Variants in SPEG observed in about 807,000 individuals in gnomAD.
The protein encoded by SPEG is striated muscle preferentially expressed protein kinase.
SPEG carries 114 observed loss-of-function variants against 300.4 expected under a neutral mutation model. The ratio of observed to expected loss-of-function variants is 0.38; its 90% CI spans 0.33 to 0.44. SPEG has a LOEUF of 0.44. SPEG is among the 20% of genes least tolerant of loss of function. The pLI is 1.00. For synonymous variants in SPEG, 1,964 were observed against 2,018.9 expected (o/e 0.97, Z 0.73); for missense variants, 4,201 against 4,586.2 (o/e 0.92, Z 2.43).
chr2:219,488,393 G>T, intron 32 of SPEG, 83 bp downstream of exon 32: 1 of 1,498,774 alleles, frequency 6.7e-7, no homozygotes, highest in Non-Finnish European at 9.1e-7. Flanking sequence ...GGCCGGAGTG[G>T]GGACTGAGCA....
chr2:219,472,852 C>G (rs759313858), intron 15 of SPEG, 38 bp from the exon 16 acceptor site: 47 of 1,529,326 alleles, frequency 3.1e-5, no homozygotes, highest in Non-Finnish European at 3.8e-5. Context: ...GGTTACTGCT[C>G]CTGCAACAGC....
chr2:219,453,653 T>C (rs761928839), intron 6 of SPEG, among the ~76,000 whole-genome samples: 5 of 152,316 alleles, frequency 3.3e-5, no homozygotes, highest in South Asian at 2.1e-4. Context: ...AAAGCCTTCA[T>C]TGCATTAGTC....
chr2:219,492,225 C>T lies in SPEG; in HGVS notation c.9576C>T (p.Thr3192=). ...ACCCCAATACATCCCAGAGCGCCACCCTCTTCTTGCGAAAGGTTCTCTCTG... is the reference window on the plus strand; with the variant it reads ...ACCCCAATACATCCCAGAGCGCCACTCTCTTCTTGCGAAAGGTTCTCTCTG... ...QLYPNTSQSA[T]LFLRKVLSVH... Residue 3192 remains threonine (T), a synonymous_variant, in exon 40 of 41, where the codon ACC becomes ACT. Coordinates refer to ENST00000312358, the MANE Select transcript of SPEG (RefSeq NM_005876.5). 6.2e-7 allele frequency: 1 copy of T among 1,613,628 alleles called. No individual in the cohort carries two copies. Among genetic ancestry groups the T allele is most frequent in the South Asian group, 1.1e-5 (1 of 91,068 alleles).
chr2:219,451,672 C>G lies in SPEG; in HGVS notation c.2305C>G (p.Leu769Val). The change falls in exon 6 of 41, where the codon CTC becomes GTC. Residue 769 changes from leucine to valine, a missense_variant. Transcript: ENST00000312358. The surrounding 1 kb of genome is among the most constrained non-coding windows in gnomAD (Gnocchi z 6.4). ...AGCGCTGCGCAGCGAGGGCCGCCTC[C>G]TCCTCCGGGCTGAGGGTGAGCGGCA... is the stretch of plus-strand genomic sequence containing the variant. ...GSALRSEGRLLLRAEGERHTL... is the reference protein window; with the variant it reads ...GSALRSEGRLVLRAEGERHTL... 6.3e-7 allele frequency: 1 copy of G among 1,586,558 alleles called. No individual in the cohort carries two copies. Among genetic ancestry groups the G allele is most frequent in the Non-Finnish European group, 8.6e-7 (1 of 1,168,270 alleles).
At chr2:219,487,167 C>G (rs1559427871) in intron 31 of SPEG, among the ~76,000 whole-genome samples, 2 of 152,220 alleles carry the variant, frequency 1.3e-5, no homozygotes, top group South Asian at 4.2e-4. Flanking sequence ...AGGGACATTC[C>G]CAGGGATCAT....
rs1244760532 is a variant in SPEG, at chr2:219,488,319, ACT to A, written c.7858+12_7858+13del. On this transcript the variant is annotated intron_variant, in intron 32 of 40. Coordinates refer to ENST00000312358, the MANE Select transcript of SPEG (RefSeq NM_005876.5). Reference sequence around the variant, plus strand: ...CATCTCCTGGATGAAAGGTAAGGAGACTCTGTCTCCCACAGAGAGGGAGGCCA... The same window carrying A: ...CATCTCCTGGATGAAAGGTAAGGAGACTGTCTCCCACAGAGAGGGAGGCCA... 1 of 1,594,940 alleles carries A rather than the reference ACT, an allele frequency of 6.3e-7. No homozygotes were observed. The highest frequency in any genetic ancestry group is 1.7e-5 in the Admixed American group (1 of 58,020).
chr2:219,449,283 G>C lies in SPEG; in HGVS notation c.2113+12G>C. Reference sequence around the variant, plus strand: ...CTCCCCTGAGCTCGGTAAGGCCTCAGGGAGGGCTGACAAGGTGCCTGAACC... The same window carrying C: ...CTCCCCTGAGCTCGGTAAGGCCTCACGGAGGGCTGACAAGGTGCCTGAACC... On this transcript the variant is annotated intron_variant, in intron 4 of 40. Transcript: ENST00000312358. The C allele has an allele frequency of 7.3e-7, 1 of 1,370,852 alleles. No homozygotes were observed. Among genetic ancestry groups the C allele is most frequent in the Non-Finnish European group, 9.4e-7 (1 of 1,061,928 alleles). 84.9% of individuals were successfully genotyped at this position (1,370,852 alleles called of 1,614,324 possible).
Position 219,463,392 on chromosome 2 carries a change from ATTTTTTTTTTTTTTTTTTTT to A in SPEG, c.2706-1022_2706-1003del, listed in dbSNP as rs71040459. On this transcript the variant is annotated intron_variant, in intron 8 of 40. Transcript: ENST00000312358. ...AATTGATTGTCTGGTCCCCACTGTG[ATTTTTTTTTTTTTTTTTTTT>A]TTTTTTTTTTTTTTTTTTAGCTGGA... Among the ~76,000 whole-genome samples the A allele has an allele frequency of 5.0e-4, 12 of 23,946 alleles. No homozygotes were observed. In the South Asian group the frequency reaches 6.6e-3, roughly 13 times the overall value. The allele number at this position is 23,946 out of a possible 152,430, so 15.7% of individuals were successfully genotyped here. A position where few individuals can be genotyped will look rare whatever the true frequency, so the allele number is the denominator to read the frequency against.
intron 9 of SPEG, 141 bp from the exon 10 acceptor site, chr2:219,467,033 G>T: frequency 8.3e-7 from 1 of 1,197,956 alleles, no homozygotes; most frequent in African/African-American, 1.5e-5. Context: ...TGGCCAGGTG[G>T]GTGGGCTTTC....
rs1693135740 is a variant in SPEG, at chr2:219,484,083, C to T, written c.6620C>T (p.Ala2207Val). 2 of 1,613,556 alleles carry T rather than the reference C, an allele frequency of 1.2e-6. No individual in the cohort carries two copies. The highest frequency in any genetic ancestry group is 2.2e-5 in the South Asian group (2 of 91,072). The change falls in exon 30 of 41, where the codon GCA (alanine) becomes GTA (valine). Residue 2207 changes from alanine to valine, a missense_variant. By Grantham distance (64) the Ala-to-Val change is moderately conservative. Around this residue, in one of 4 missense-constraint regions of SPEG, gnomAD observed 1,578 missense variants for 1,506.0 expected, o/e 1.05. Transcript: ENST00000312358. ...CCTAGTGATGCTCCGCAGCCCCCCG[C>T]ACCCCAGCCTGCCCAAGACAAGGCT... is the stretch of plus-strand genomic sequence containing the variant. The part of the protein sequence containing the change: ...TTPSDAPQPP[A>V]PQPAQDKAPE...
rs774242342 is a variant in SPEG at position 219,484,174 on chromosome 2, C to A, written c.6711C>A (p.Thr2237=). ...KPAPPPQALQ[T]LALPLTPYAQ... ...CACCACCCCCCCAGGCCCTGCAAAC[C>A]CTAGCGCTGCCCCTCACACCCTATG... The change falls in exon 30 of 41, where the codon ACC becomes ACA. Residue 2237 remains threonine, a synonymous_variant. Transcript: ENST00000312358. 3.7e-6 allele frequency: 6 copies of A among 1,612,798 alleles called. No individual in the cohort carries two copies. The African/African-American group carries it at 6.7e-5, about 18-fold the overall frequency.
Position 219,464,576 on chromosome 2 carries a change from C to T in SPEG, c.2849C>T (p.Ala950Val). Reference protein sequence around the residue: ...YTCKAVNEYGARQCEARLEVR... With the variant: ...YTCKAVNEYGVRQCEARLEVR... ...TGCAAAGCGGTCAATGAGTATGGTG[C>T]TCGGCAGTGCGAGGCCCGCTTGGAG... Residue 950 changes from alanine to valine, a missense_variant, in exon 9 of 41, where the codon GCT (alanine) becomes GTT (valine). Physicochemically the swap from Ala to Val is moderately conservative, Grantham distance 64. Around this residue, in one of 4 missense-constraint regions of SPEG, gnomAD observed 1,047 missense variants for 1,356.8 expected, o/e 0.77. Coordinates refer to ENST00000312358, the MANE Select transcript of SPEG (RefSeq NM_005876.5). The surrounding 1 kb of genome is among the most constrained non-coding windows in gnomAD (Gnocchi z 4.5). 6.2e-7 allele frequency: 1 copy of T among 1,614,232 alleles called. No homozygotes were observed. Among genetic ancestry groups the T allele is most frequent in the Non-Finnish European group, 8.5e-7 (1 of 1,180,024 alleles).
chr2:219,437,491 T>A lies in SPEG; in HGVS notation c.388+2126T>A, dbSNP rs185761551. Among the ~76,000 whole-genome samples the A allele has an allele frequency of 1.6e-3, 250 of 152,110 alleles. No individual in the cohort carries two copies. In the Middle Eastern group the frequency reaches 0.017, roughly 10 times the overall value. On this transcript the variant is annotated intron_variant, in intron 1 of 40. Coordinates refer to ENST00000312358, the MANE Select transcript of SPEG (RefSeq NM_005876.5). ...GGTGGAACAGCAGGCTTGAGAGGCT[T>A]GGGGTAAGAAAAGGGCCCTGGGTGT...
At position 219,476,477 on chromosome 2, in the gene SPEG, C is replaced by T. The variant is rs536595778; in HGVS notation, c.4448-393C>T. On this transcript the variant is annotated intron_variant, in intron 18 of 40. Coordinates refer to ENST00000312358, the MANE Select transcript of SPEG (RefSeq NM_005876.5). ...TTGGGCCACTCCTCTCCCGCGGATT[C>T]ATGCAGCGAGGGGAGCGACTCAGGA... 3.5e-3 allele frequency among the ~76,000 whole-genome samples: 535 copies of T among 152,308 alleles called. 4 individuals carry two copies. Among genetic ancestry groups the T allele is most frequent in the Middle Eastern group, 0.01 (3 of 294 alleles).
In SPEG at chr2:219,492,126, C is replaced by G; in HGVS notation, c.9477C>G (p.Ser3159=). 1.2e-6 allele frequency: 2 copies of G among 1,613,018 alleles called. No individual in the cohort carries two copies. The highest frequency in any genetic ancestry group is 1.7e-6 in the Non-Finnish European group (2 of 1,179,466). Residue 3159 remains serine, a synonymous_variant, in exon 40 of 41, where the codon TCC becomes TCG. Coordinates refer to ENST00000312358, the MANE Select transcript of SPEG (RefSeq NM_005876.5). ...TCCCCAACAGGCTCAGTGGACGCTC[C>G]CCGTTCTATGAGCCAGACCCCCAGG... ...VLTYIMLSGR[S]PFYEPDPQET...
chr2:219,473,492 T>C lies in SPEG; in HGVS notation c.4148-12T>C. 1.2e-6 allele frequency: 2 copies of C among 1,613,434 alleles called. No individual in the cohort carries two copies. The highest frequency in any genetic ancestry group is 1.7e-6 in the Non-Finnish European group (2 of 1,179,776). ...CAAGCCCAGCACAGAGCCTGCGCTCTCCTCCTCCCAGGCCCAACCCTGGAG... is the reference window on the plus strand; with the variant it reads ...CAAGCCCAGCACAGAGCCTGCGCTCCCCTCCTCCCAGGCCCAACCCTGGAG... On this transcript the variant is annotated splice_polypyrimidine_tract_variant and intron_variant, in intron 16 of 40. Coordinates refer to ENST00000312358, the MANE Select transcript of SPEG (RefSeq NM_005876.5). The surrounding 1 kb of genome is among the most constrained non-coding windows in gnomAD (Gnocchi z 4.6).
intron 3 of SPEG, among the ~76,000 whole-genome samples, chr2:219,447,035 C>A (rs367646932): frequency 6.0e-4 from 91 of 150,892 alleles, no homozygotes; most frequent in Non-Finnish European, 1.2e-3. Context: ...ACCCCCTCCT[C>A]CCCGCAAGGG....
chr2:219,474,590 A>G (rs1428398766), intron 18 of SPEG, among the ~76,000 whole-genome samples: 2 of 152,166 alleles, frequency 1.3e-5, no homozygotes, highest in African/African-American at 4.8e-5. Flanking sequence ...GCTGGGTTCA[A>G]GTGTGGCTGC....
chr2:219,464,424 C>T lies in SPEG; in HGVS notation c.2706-9C>T, dbSNP rs1439003622. On this transcript the variant is annotated splice_polypyrimidine_tract_variant and intron_variant, in intron 8 of 40. Transcript: ENST00000312358. This position sits in a 1 kb window ranked among gnomAD's most constrained non-coding sequence, Gnocchi z 4.5. ...GGGCCCTGGGACTGAGTTCTTGCCC[C>T]TCTGACAGGCTGAGAAACCGCCAGC... is the stretch of plus-strand genomic sequence containing the variant. 1 of 1,606,092 alleles carries T rather than the reference C, an allele frequency of 6.2e-7. No homozygotes were observed. Among genetic ancestry groups the T allele is most frequent in the African/African-American group, 1.3e-5 (1 of 75,044 alleles).
Sources: gnomAD v4.1 joint callset for allele counts (sites outside exome capture counted in the v4.1 genomes callset) on GRCh38, gnomAD v4.1.1 for gene constraint, gnomAD v4.1.1 regional missense constraint, Gnocchi (gnomAD v3.1) non-coding constraint, MANE v1.5 for transcripts, NCBI Gene and HGNC (gene_info 2026-07-23, HGNC 2026-07-21) for gene names.